The following HDAC9 variants were observed in gnomAD, a reference collection of about 807,000 sequenced individuals.
HDAC9 encodes histone deacetylase 9.
HDAC9 carries 41 observed loss-of-function variants against 139.4 expected under a neutral mutation model. The ratio of observed to expected loss-of-function variants is 0.29; its 90% confidence interval spans 0.23 to 0.38. HDAC9 has a LOEUF of 0.38. Among genes scored for constraint, HDAC9 ranks in the 10% least tolerant of loss-of-function variants. The probability of loss-of-function intolerance (pLI) is 1.00; values close to 1 mark genes in which losing one functional copy is unlikely to be tolerated. For missense variants in HDAC9, 1,147 were observed against 1,297.0 expected, an observed-to-expected ratio of 0.88 and a Z score of 1.78; for synonymous variants, 517 against 476.2, an observed-to-expected ratio of 1.09 and a Z score of -1.12.
chr7:18,964,806 C>G (rs1783742839), intron 24 of HDAC9, among the ~76,000 whole-genome samples: 1 of 152,272 alleles, frequency 6.6e-6, no homozygotes, highest in East Asian at 1.9e-4. Context: ...TGGGGGACAC[C>G]ACCCTCATGA....
At chr7:18,345,888 A>G (rs992357813) in intron 1 of HDAC9, among the ~76,000 whole-genome samples, 3 of 151,828 alleles carry the variant, frequency 2.0e-5, no homozygotes, top group African/African-American at 4.8e-5. Context: ...CTCTTTTCCA[A>G]CGACTCCTGT....
chr7:18,512,248 A>G (rs1801751359), intron 2 of HDAC9, among the ~76,000 whole-genome samples: 1 of 152,166 alleles, frequency 6.6e-6, no homozygotes. Context: ...ATATTTCAAG[A>G]CATGAGCATT....
At chr7:18,724,776 A>G (rs1785406197) in intron 12 of HDAC9, among the ~76,000 whole-genome samples, 1 of 152,158 alleles carries the variant, frequency 6.6e-6, no homozygotes. Flanking sequence ...CTGTCTCCTT[A>G]CTAGAGAATA....
chr7:18,410,656 C>T (rs1398011189), intron 1 of HDAC9, among the ~76,000 whole-genome samples: 2 of 151,962 alleles, frequency 1.3e-5, no homozygotes, highest in African/African-American at 4.8e-5. Context: ...AAATGTGAGA[C>T]AGTAGTACAT....
chr7:18,237,738 CT>C, intron 2 of HDAC9, among the ~76,000 whole-genome samples: 1 of 152,268 alleles, frequency 6.6e-6, no homozygotes, highest in Non-Finnish European at 1.5e-5. Context: ...ATGAATTAAA[CT>C]TTAGGACTGG....
At chr7:18,765,850 T>C (rs1425154280) in intron 15 of HDAC9, among the ~76,000 whole-genome samples, 1 of 152,214 alleles carries the variant, frequency 6.6e-6, no homozygotes, top group Non-Finnish European at 1.5e-5. Flanking sequence ...TTAATATTAT[T>C]TTATGATTTT....
intron 21 of HDAC9, among the ~76,000 whole-genome samples, chr7:18,855,440 A>G (rs1019273521): frequency 6.6e-6 from 1 of 151,912 alleles, no homozygotes; most frequent in African/African-American, 2.4e-5. Context: ...CAGTAGCTCT[A>G]TCCACCTCAT....
chr7:18,991,214 A>G (rs771257190), intron 25 of HDAC9, among the ~76,000 whole-genome samples: 1 of 152,232 alleles, frequency 6.6e-6, no homozygotes, highest in African/African-American at 2.4e-5. Context: ...ACAAAATGGT[A>G]TAACATTGGA....
chr7:18,392,942 A>T (rs913770522), intron 1 of HDAC9, among the ~76,000 whole-genome samples: 1 of 150,044 alleles, frequency 6.7e-6, no homozygotes, highest in African/African-American at 2.5e-5. Context: ...AAAAAAAAAA[A>T]AGGAAATACT....
chr7:18,525,676 A>G (rs1246671793), intron 2 of HDAC9, among the ~76,000 whole-genome samples: 1 of 152,130 alleles, frequency 6.6e-6, no homozygotes, highest in East Asian at 1.9e-4. Flanking sequence ...TGCTGCTGAA[A>G]CATAGAATAT....
intron 21 of HDAC9, among the ~76,000 whole-genome samples, chr7:18,872,785 A>T (rs1285077499): frequency 1.3e-5 from 2 of 152,054 alleles, no homozygotes; most frequent in African/African-American, 2.4e-5. Context: ...ATAGTATGTG[A>T]ATTGTGCCTT....
chr7:18,201,031 C>T (rs959170206), intron 2 of HDAC9, among the ~76,000 whole-genome samples: 10 of 152,224 alleles, frequency 6.6e-5, no homozygotes, highest in East Asian at 1.9e-4. Flanking sequence ...ACAGCCTCCT[C>T]GTTTTACACA....
chr7:18,378,210 C>T (rs1785144830), intron 1 of HDAC9, among the ~76,000 whole-genome samples: 1 of 152,084 alleles, frequency 6.6e-6, no homozygotes, highest in South Asian at 2.1e-4. Flanking sequence ...GAGTAATCAG[C>T]AGGTGACAAG....
At chr7:18,965,088 A>C (rs991355344) in intron 24 of HDAC9, among the ~76,000 whole-genome samples, 1 of 152,192 alleles carries the variant, frequency 6.6e-6, no homozygotes, top group African/African-American at 2.4e-5. Flanking sequence ...CTTCTGATTA[A>C]TGCACTCACA....
At chr7:18,471,008 A>C (rs1400253839) in intron 1 of HDAC9, among the ~76,000 whole-genome samples, 2 of 151,754 alleles carry the variant, frequency 1.3e-5, no homozygotes, top group Non-Finnish European at 2.9e-5. Context: ...AGTTACTTTG[A>C]ACTTTTTTTT....
chr7:18,489,683 T>C (rs1796223713), intron 1 of HDAC9, among the ~76,000 whole-genome samples: 1 of 152,032 alleles, frequency 6.6e-6, no homozygotes, highest in Non-Finnish European at 1.5e-5. Context: ...GGCTGTGAAA[T>C]AGTTGATATT....
intron 6 of HDAC9, among the ~76,000 whole-genome samples, chr7:18,626,831 TA>T (rs1342894594): frequency 2.0e-5 from 3 of 152,194 alleles, no homozygotes; most frequent in Non-Finnish European, 4.4e-5. Context: ...CTAGAATGTT[TA>T]AATGGCATAT....
chr7:18,719,188 G>A (rs1260796051), intron 12 of HDAC9, among the ~76,000 whole-genome samples: 2 of 151,952 alleles, frequency 1.3e-5, no homozygotes, highest in Admixed American at 6.6e-5. Context: ...TCCATATTCT[G>A]GATACAAGTC....
intron 19 of HDAC9, among the ~76,000 whole-genome samples, chr7:18,833,217 G>C (rs961030043): frequency 2.0e-5 from 3 of 152,138 alleles, no homozygotes; most frequent in African/African-American, 7.2e-5. Flanking sequence ...ATTATGCTGT[G>C]AACAGGATTT....
Sources: gnomAD v4.1 joint callset for allele counts (sites outside exome capture counted in the v4.1 genomes callset) on GRCh38, gnomAD v4.1.1 for gene constraint, MANE v1.5 for transcripts, NCBI Gene and HGNC (gene_info 2026-07-23, HGNC 2026-07-21) for gene names.